The following PRELID2 variants were observed in gnomAD, a reference collection of about 807,000 sequenced individuals.
PRELID2 encodes the protein PRELI domain containing 2.
PRELID2 carries 25 observed loss-of-function variants against 28.4 expected under a neutral mutation model. The ratio of observed to expected loss-of-function variants is 0.88; its 90% CI spans 0.64 to 1.23. The LOEUF is 1.23. Ranked by LOEUF, PRELID2 falls within the 50% of genes most tolerant of loss-of-function variation. The pLI, the probability that PRELID2 is intolerant of heterozygous loss-of-function variation, is 0.00. For synonymous variants in PRELID2, 76 were observed against 71.6 expected (o/e 1.06, Z -0.31); for missense variants, 201 against 214.4 (o/e 0.94, Z 0.39).
intron 5 of PRELID2, among the ~76,000 whole-genome samples, chr5:145,792,683 C>A (rs975546554): frequency 6.6e-6 from 1 of 151,896 alleles, no homozygotes; most frequent in Non-Finnish European, 1.5e-5. Context: ...AACTTAAAAT[C>A]TAGTTGTCTA....
chr5:145,801,699 T>C (rs1322584073), intron 4 of PRELID2, among the ~76,000 whole-genome samples: 1 of 152,174 alleles, frequency 6.6e-6, no homozygotes, highest in African/African-American at 2.4e-5. Context: ...TGAGGATTCA[T>C]TAGCTATCAC....
At chr5:145,442,486 A>T in the PRELID2 span, among the ~76,000 whole-genome samples, 1 of 151,954 alleles carries the variant, frequency 6.6e-6, no homozygotes, top group Non-Finnish European at 1.5e-5. Context: ...GCAGGTTGAG[A>T]AATAATAGAC....
chr5:145,508,065 A>C (rs1005394383), intron 1 of PRELID2, among the ~76,000 whole-genome samples: 3 of 152,178 alleles, frequency 2.0e-5, no homozygotes, highest in African/African-American at 7.2e-5. Context: ...GATTACCAAA[A>C]TTTAGTAGTT....
At chr5:145,429,924 A>G in the PRELID2 span, 365 of 152,560 alleles carry the variant, frequency 2.4e-3, 1 homozygote, top group African/African-American at 8.1e-3. Flanking sequence ...ACCTCCAGAC[A>G]TGTGAGTGAG....
At chr5:145,280,143 G>A in the PRELID2 span, among the ~76,000 whole-genome samples, 107 of 152,182 alleles carry the variant, frequency 7.0e-4, 1 homozygote, top group East Asian at 0.019. Flanking sequence ...AGGGTTCAGG[G>A]GAGCCATTAT....
chr5:145,269,047 A>G, the PRELID2 span, among the ~76,000 whole-genome samples: 1 of 152,128 alleles, frequency 6.6e-6, no homozygotes, highest in Non-Finnish European at 1.5e-5. Context: ...ATAAATAGAA[A>G]GATATGCCAC....
chr5:145,726,638 G>C (rs1756175308), intron 1 of PRELID2, among the ~76,000 whole-genome samples: 1 of 152,166 alleles, frequency 6.6e-6, no homozygotes, highest in Admixed American at 6.5e-5. Context: ...AGTCCACCAA[G>C]GTGCCTATCT....
At chr5:145,782,714 C>T (rs1265706257) in intron 5 of PRELID2, among the ~76,000 whole-genome samples, 1 of 152,088 alleles carries the variant, frequency 6.6e-6, no homozygotes, top group African/African-American at 2.4e-5. Flanking sequence ...ATTTTATTGC[C>T]ATCTCAACCC....
the PRELID2 span, among the ~76,000 whole-genome samples, chr5:145,300,775 C>T: frequency 8.0e-6 from 1 of 124,538 alleles, no homozygotes; most frequent in African/African-American, 3.0e-5. Context: ...GTTGTATTTT[C>T]TTGAAATAGT....
At chr5:145,775,070 T>A (rs908101028) in intron 5 of PRELID2, among the ~76,000 whole-genome samples, 2 of 151,958 alleles carry the variant, frequency 1.3e-5, no homozygotes, top group Non-Finnish European at 2.9e-5. Flanking sequence ...TGAAACCCCA[T>A]CTCCACAAAA....
intron 1 of PRELID2, among the ~76,000 whole-genome samples, chr5:145,614,149 G>T (rs982501162): frequency 3.9e-5 from 6 of 152,138 alleles, no homozygotes; most frequent in Non-Finnish European, 8.8e-5. Context: ...GTTTATTTCT[G>T]GGTTCTCTAT....
chr5:145,263,750 A>G, the PRELID2 span, among the ~76,000 whole-genome samples: 78 of 152,146 alleles, frequency 5.1e-4, no homozygotes, highest in East Asian at 0.014. Context: ...GAGAAGACCA[A>G]TTCCTGGAAA....
chr5:145,554,461 G>A (rs1281586880), intron 1 of PRELID2, among the ~76,000 whole-genome samples: 2 of 152,204 alleles, frequency 1.3e-5, no homozygotes, highest in Non-Finnish European at 2.9e-5. Flanking sequence ...AAGTTTCAGA[G>A]ATGTGATAGA....
the PRELID2 span, among the ~76,000 whole-genome samples, chr5:145,452,670 T>C: frequency 6.6e-6 from 1 of 152,122 alleles, no homozygotes; most frequent in Non-Finnish European, 1.5e-5. Context: ...TTTTTAACGG[T>C]GCTATTTCCA....
chr5:145,648,033 G>T (rs1337309373), intron 1 of PRELID2, among the ~76,000 whole-genome samples: 2 of 152,194 alleles, frequency 1.3e-5, no homozygotes, highest in African/African-American at 2.4e-5. Flanking sequence ...CACGACTAGG[G>T]AAGACAGACA....
intron 1 of PRELID2, among the ~76,000 whole-genome samples, chr5:145,702,840 G>A (rs1464682776): frequency 6.6e-6 from 1 of 152,138 alleles, no homozygotes; most frequent in Non-Finnish European, 1.5e-5. Context: ...AAAAGTCAGA[G>A]AAGATACCAC....
chr5:145,646,027 G>T (rs1242280650), intron 1 of PRELID2, among the ~76,000 whole-genome samples: 5 of 152,106 alleles, frequency 3.3e-5, no homozygotes, highest in African/African-American at 1.2e-4. Flanking sequence ...TGCTCTTCTT[G>T]AAGTGTATCT....
intron 1 of PRELID2, among the ~76,000 whole-genome samples, chr5:145,613,285 T>A (rs73311549): frequency 0.034 from 5,102 of 152,098 alleles, 254 homozygotes; most frequent in African/African-American, 0.11. Flanking sequence ...CTTCTTTTTT[T>A]ATTTTTATTT....
chr5:145,611,452 C>T (rs1463714898), intron 1 of PRELID2, among the ~76,000 whole-genome samples: 2 of 152,150 alleles, frequency 1.3e-5, no homozygotes, highest in Admixed American at 6.5e-5. Flanking sequence ...GAATGAGCCA[C>T]CACAACCAGC....
Sources: allele counts gnomAD v4.1 joint callset (sites outside exome capture counted in the v4.1 genomes callset), GRCh38; gene constraint gnomAD v4.1.1; transcripts MANE v1.5; gene names NCBI Gene and HGNC (gene_info 2026-07-23, HGNC 2026-07-21).